The following TERF1 variants were observed in gnomAD, a reference collection of about 807,000 sequenced individuals.
The protein encoded by TERF1 is telomeric repeat-binding factor 1.
TERF1 carries 20 observed loss-of-function variants against 55.1 expected under a neutral mutation model. The ratio of observed to expected loss-of-function variants is 0.36; its 90% CI spans 0.26 to 0.53. TERF1 has a LOEUF of 0.53. TERF1 is among the 20% of genes least tolerant of loss of function. The probability of loss-of-function intolerance (pLI) is 0.91; values close to 1 mark genes in which losing one functional copy is unlikely to be tolerated. For synonymous variants in TERF1, 168 were observed against 181.2 expected, an observed-to-expected ratio of 0.93 and a Z score of 0.59; for missense variants, 439 against 535.7, an observed-to-expected ratio of 0.82 and a Z score of 1.78.
intron 8 of TERF1, among the ~76,000 whole-genome samples, chr8:73,037,645 TATATA>T (rs1196874157): frequency 1.3e-5 from 1 of 75,930 alleles, no homozygotes; most frequent in African/African-American, 5.8e-5. Flanking sequence ...ACATATATAA[TATATA>T]TTATATGTAT....
Position 73,039,514 on chromosome 8 carries a change from A to G in TERF1, c.1143+295A>G, listed in dbSNP as rs140772328. 4.2e-4 allele frequency among the ~76,000 whole-genome samples: 64 copies of G among 152,332 alleles called. 1 individual carries two copies. In the East Asian group the frequency reaches 0.012, roughly 28 times the overall value. ...GTAAGGTGGGACTTAACTCCACATT[A>G]TAAGCTTTGATGTTTAAATTTTCCT... On this transcript the variant is annotated intron_variant, in intron 9 of 9. Transcript: ENST00000276603.
At chr8:73,009,416 T>G (rs1808183847) in intron 1 of TERF1, 2 of 574,278 alleles carry the variant, frequency 3.5e-6, no homozygotes, top group East Asian at 6.0e-5. Flanking sequence ...TCCTCTTCGA[T>G]AAAATGAAAA....
At chr8:73,030,488 C>T in intron 7 of TERF1, 93 bp downstream of exon 7, 2 of 761,770 alleles carry the variant, frequency 2.6e-6, no homozygotes, top group South Asian at 5.5e-5. Flanking sequence ...ATAAATGGTA[C>T]AATTGAAAGA....
At chr8:73,037,186 TAA>T (rs1809563145) in intron 8 of TERF1, among the ~76,000 whole-genome samples, 1 of 129,744 alleles carries the variant, frequency 7.7e-6, no homozygotes, top group Admixed American at 9.1e-5. Flanking sequence ...TATAATATAA[TAA>T]TATATATTAT....
intron 3 of TERF1, among the ~76,000 whole-genome samples, chr8:73,021,749 T>G (rs1376367373): frequency 6.6e-6 from 1 of 152,178 alleles, no homozygotes; most frequent in African/African-American, 2.4e-5. Context: ...TGCCAATGCA[T>G]GAAAAAAATG....
chr8:73,026,222 G>A (rs1473224376), intron 5 of TERF1, among the ~76,000 whole-genome samples: 2 of 143,976 alleles, frequency 1.4e-5, no homozygotes, highest in African/African-American at 2.6e-5. Flanking sequence ...TTCTAGTCAG[G>A]CGCGGTAACT....
chr8:73,015,920 C>G lies in TERF1; in HGVS notation c.415+1930C>G, dbSNP rs558827497. ...TTAATTTTGATAATCTTATTTAACT[C>G]AATATTTCTCAAACACTATGTCAAC... is the stretch of plus-strand genomic sequence containing the variant. On this transcript the variant is annotated intron_variant, in intron 2 of 9. Coordinates refer to ENST00000276603, the MANE Select transcript of TERF1 (RefSeq NM_017489.3). 2.6e-5 allele frequency among the ~76,000 whole-genome samples: 4 copies of G among 152,122 alleles called. No homozygotes were observed. In the South Asian group the frequency reaches 8.3e-4, roughly 32 times the overall value.
At position 73,027,027 on chromosome 8, in the gene TERF1, G is replaced by A. The variant is rs771730126; in HGVS notation, c.862G>A (p.Glu288Lys). The part of the protein sequence containing the change: ...PSGNDVEMET[E>K]ANLDTRKSVS... ...TGGTAATGATGTTGAAATGGAAACT[G>A]AAGCTAATTTGGATACAAGAAAAAG... Residue 288 changes from glutamate (E) to lysine (K), a missense_variant, in exon 6 of 10, where the codon GAA becomes AAA. By Grantham distance (56) the Glu-to-Lys change is moderately conservative (BLOSUM62 1). This residue lies in a region of TERF1 where 140 missense variants were observed against 158.6 expected (regional missense o/e 0.88). Transcript: ENST00000276603. The A allele has an allele frequency of 1.1e-5, 17 of 1,612,022 alleles. No homozygotes were observed. In the South Asian group the frequency reaches 1.9e-4, roughly 18 times the overall value.
chr8:73,037,284 G>T (rs1196677863), intron 8 of TERF1, among the ~76,000 whole-genome samples: 4 of 135,958 alleles, frequency 2.9e-5, no homozygotes, highest in Admixed American at 2.5e-4. Flanking sequence ...GTTATGAGAA[G>T]CTTTATCTAT....
chr8:73,008,886 C>G lies in TERF1; in HGVS notation c.-1C>G, dbSNP rs141820446. 1.1e-5 allele frequency: 18 copies of G among 1,602,546 alleles called. No homozygotes were observed. The highest frequency in any genetic ancestry group is 1.5e-5 in the Non-Finnish European group (18 of 1,175,408). On this transcript the variant is annotated 5_prime_UTR_variant, in exon 1 of 10. Coordinates refer to ENST00000276603, the MANE Select transcript of TERF1 (RefSeq NM_017489.3). ...GGCAGTACCCAAGCGAGCCATTTAA[C>G]ATGGCGGAGGATGTTTCCTCAGCGG... is the stretch of plus-strand genomic sequence containing the variant.
chr8:73,040,717 G>T (rs1018932593), intron 9 of TERF1, among the ~76,000 whole-genome samples: 2 of 152,082 alleles, frequency 1.3e-5, no homozygotes, highest in African/African-American at 4.8e-5. Context: ...TTCTTCTGGT[G>T]TTCCCATTAT....
At chr8:73,020,509 G>A (rs1346245562) in intron 2 of TERF1, among the ~76,000 whole-genome samples, 175 bp from the exon 3 acceptor site, 2 of 152,036 alleles carry the variant, frequency 1.3e-5, no homozygotes, top group African/African-American at 2.4e-5. Flanking sequence ...ATTTGAAATT[G>A]ATCTTAATGA....
At chr8:73,042,900 A>G (rs550761271) in intron 9 of TERF1, 71 of 152,338 alleles carry the variant, frequency 4.7e-4, no homozygotes, top group African/African-American at 1.6e-3. Flanking sequence ...TGACAATAAA[A>G]CAAAGGAAAT....
At chr8:73,013,811 T>C (rs561463222) in intron 1 of TERF1, 84 bp from the exon 2 acceptor site, 1 of 739,190 alleles carries the variant, frequency 1.4e-6, no homozygotes, top group South Asian at 1.7e-5. Context: ...ACAATATGTT[T>C]GTAGCCTATT....
intron 9 of TERF1, among the ~76,000 whole-genome samples, chr8:73,040,946 G>A (rs960930662): frequency 1.3e-5 from 2 of 152,010 alleles, no homozygotes; most frequent in African/African-American, 4.8e-5. Flanking sequence ...TTTCCCTTTG[G>A]TTCTTTCTTA....
Position 73,009,199 on chromosome 8 carries a change from G to T in TERF1, c.313G>T (p.Ala105Ser). The T allele has an allele frequency of 6.2e-7, 1 of 1,609,986 alleles. No homozygotes were observed. The highest frequency in any genetic ancestry group is 8.5e-7 in the Non-Finnish European group (1 of 1,179,780). ...SEDFRRTRNS[A>S]EAIIHGLSSL... ...GGACTTCCGCAGGACCCGCAACAGC[G>T]CAGAGGGTGAGTGCAGACCGCGTCC... The change falls in exon 1 of 10, where the codon GCA becomes TCA. Residue 105 changes from alanine to serine, a missense_variant. Transcript: ENST00000276603.
chr8:73,009,408 C>T, intron 1 of TERF1: 1 of 577,056 alleles, frequency 1.7e-6, no homozygotes, highest in Non-Finnish European at 3.0e-6. Context: ...GATTGATTTC[C>T]TCTTCGATAA....
intron 9 of TERF1, among the ~76,000 whole-genome samples, chr8:73,041,184 A>G (rs755464314): frequency 2.0e-5 from 3 of 152,212 alleles, no homozygotes. Flanking sequence ...TAGACATGAT[A>G]TATCAGGTAA....
intron 2 of TERF1, among the ~76,000 whole-genome samples, chr8:73,017,179 A>G (rs966058139): frequency 1.1e-4 from 17 of 152,198 alleles, no homozygotes; most frequent in Non-Finnish European, 2.1e-4. Context: ...GATAAGTGAG[A>G]AGGGTTAAGT....
Sources: allele counts gnomAD v4.1 joint callset (sites outside exome capture counted in the v4.1 genomes callset), GRCh38; gene constraint gnomAD v4.1.1; regional missense constraint gnomAD v4.1.1; transcripts MANE v1.5; gene names NCBI Gene and HGNC (gene_info 2026-07-23, HGNC 2026-07-21).